The following ADGRB3 variants were observed in gnomAD, a reference collection of about 807,000 sequenced individuals.
ADGRB3 encodes brain-specific angiogenesis inhibitor 3.
Under a neutral mutation model 193.4 loss-of-function variants are expected in ADGRB3, and 37 were observed. The ratio of observed to expected loss-of-function variants is 0.19; its 90% CI spans 0.15 to 0.25. The LOEUF (loss-of-function observed/expected upper bound fraction) is 0.25, where lower values mean the gene tolerates loss of function less well. ADGRB3 is among the 10% of genes least tolerant of loss of function. The pLI is 1.00. For synonymous variants in ADGRB3, 690 were observed against 644.2 expected, an observed-to-expected ratio of 1.07 and a Z score of -1.08; for missense variants, 1,637 against 1,852.9, an observed-to-expected ratio of 0.88 and a Z score of 2.14.
chr6:68,737,215 T>G (rs1765889506), intron 3 of ADGRB3, among the ~76,000 whole-genome samples: 1 of 152,144 alleles, frequency 6.6e-6, no homozygotes, highest in African/African-American at 2.4e-5. Context: ...GTATAAGAAT[T>G]GTATCAAATA....
At chr6:69,046,900 C>T (rs1771252486) in intron 13 of ADGRB3, among the ~76,000 whole-genome samples, 2 of 152,118 alleles carry the variant, frequency 1.3e-5, no homozygotes, top group African/African-American at 4.8e-5. Flanking sequence ...CTCTGTTGCC[C>T]AGGCTGGAGT....
intron 3 of ADGRB3, among the ~76,000 whole-genome samples, chr6:68,826,080 G>A (rs1219024911): frequency 6.6e-6 from 1 of 151,802 alleles, no homozygotes; most frequent in African/African-American, 2.4e-5. Context: ...TACTGACTAG[G>A]TGTCAGACAT....
chr6:68,736,931 T>C (rs1159846081), intron 3 of ADGRB3, among the ~76,000 whole-genome samples: 1 of 152,066 alleles, frequency 6.6e-6, no homozygotes, highest in Non-Finnish European at 1.5e-5. Context: ...TAGTCATGTT[T>C]AGTATTTTAA....
At chr6:69,339,613 C>A in intron 26 of ADGRB3, 109 bp downstream of exon 26, 1 of 1,266,558 alleles carries the variant, frequency 7.9e-7, no homozygotes, top group Non-Finnish European at 1.1e-6. Flanking sequence ...TGGTCTCCTC[C>A]ATTGACAATC....
intron 20 of ADGRB3, among the ~76,000 whole-genome samples, chr6:69,308,170 C>T (rs149532423): frequency 3.9e-4 from 59 of 151,522 alleles, no homozygotes; most frequent in Middle Eastern, 6.8e-3. Flanking sequence ...AATCAAACTG[C>T]GTGAGTTTGA....
At chr6:69,102,032 C>A (rs1349083653) in intron 17 of ADGRB3, among the ~76,000 whole-genome samples, 1 of 152,024 alleles carries the variant, frequency 6.6e-6, no homozygotes, top group Admixed American at 6.6e-5. Context: ...AAAAAATTAG[C>A]CGGGCGTGGT....
Position 69,388,737 on chromosome 6 carries a change from C to T in ADGRB3, c.4415C>T (p.Thr1472Ile). ...GCACCAAACAAGAATCCATGGGACA[C>T]TTTCAAAAACCCCAGTGAATACCCG... The part of the protein sequence containing the change: ...NPAPNKNPWD[T>I]FKNPSEYPHY... Residue 1472 changes from threonine to isoleucine, a missense_variant, in exon 32 of 32, where the codon ACT becomes ATT. Physicochemically the swap from Thr to Ile is moderately conservative, Grantham distance 89 (BLOSUM62 -1). Around this residue, in one of 7 missense-constraint regions of ADGRB3, gnomAD observed 368 missense variants for 367.4 expected, o/e 1.00. Coordinates refer to ENST00000370598, the MANE Select transcript of ADGRB3 (RefSeq NM_001704.3). 6.2e-7 allele frequency: 1 copy of T among 1,613,332 alleles called. No individual in the cohort carries two copies. Among genetic ancestry groups the T allele is most frequent in the African/African-American group, 1.3e-5 (1 of 74,998 alleles).
Position 69,116,041 on chromosome 6 carries a change from C to T in ADGRB3, c.2480+40003C>T, listed in dbSNP as rs1304376535. On this transcript the variant is annotated intron_variant, in intron 17 of 31. Transcript: ENST00000370598. Reference sequence around the variant, plus strand: ...GGCATTCAGGTAAGAGTTGAAGTTGCAGTCTTGAGTTCAAAATTTTTAGGG... The same window carrying T: ...GGCATTCAGGTAAGAGTTGAAGTTGTAGTCTTGAGTTCAAAATTTTTAGGG... 2.6e-5 allele frequency among the ~76,000 whole-genome samples: 4 copies of T among 152,136 alleles called. No homozygotes were observed. The East Asian group carries it at 7.7e-4, about 29-fold the overall frequency.
At chr6:68,788,395 C>T (rs1222614311) in intron 3 of ADGRB3, among the ~76,000 whole-genome samples, 1 of 151,938 alleles carries the variant, frequency 6.6e-6, no homozygotes, top group East Asian at 1.9e-4. Flanking sequence ...TTTATTTCTG[C>T]CTTCATTTCA....
intron 3 of ADGRB3, among the ~76,000 whole-genome samples, chr6:68,763,178 C>T (rs1766444994): frequency 9.8e-6 from 1 of 102,054 alleles, no homozygotes; most frequent in Non-Finnish European, 2.3e-5. Flanking sequence ...GCAACCTCTG[C>T]CTCACAGGGT....
intron 17 of ADGRB3, among the ~76,000 whole-genome samples, chr6:69,109,751 G>A (rs1293748160): frequency 6.6e-6 from 1 of 152,152 alleles, no homozygotes; most frequent in African/African-American, 2.4e-5. Context: ...TGCAATGGAA[G>A]CGGAAAGGGG....
intron 26 of ADGRB3, 26 bp from the exon 27 acceptor site, chr6:69,354,207 A>G (rs758197030): frequency 1.3e-6 from 2 of 1,556,190 alleles, no homozygotes; most frequent in South Asian, 2.2e-5. Context: ...GAGAGAAGAA[A>G]ATTAATGTGT....
chr6:68,912,700 A>C (rs1207672193), intron 3 of ADGRB3, among the ~76,000 whole-genome samples: 4 of 152,150 alleles, frequency 2.6e-5, no homozygotes, highest in Non-Finnish European at 5.9e-5. Context: ...ACATGAACTC[A>C]TCATTTTTTA....
chr6:68,897,395 AAAG>A (rs1296519320), intron 3 of ADGRB3, among the ~76,000 whole-genome samples: 2 of 142,194 alleles, frequency 1.4e-5, no homozygotes, highest in Non-Finnish European at 3.1e-5. Flanking sequence ...GGAAAGAAAG[AAAG>A]AGAGAGAGAG....
At chr6:69,371,891 A>G (rs1582663458) in intron 29 of ADGRB3, among the ~76,000 whole-genome samples, 1 of 152,102 alleles carries the variant, frequency 6.6e-6, no homozygotes, top group African/African-American at 2.4e-5. Context: ...AGGACTATCA[A>G]ATTACAAGAA....
chr6:68,770,310 G>A (rs1443424777), intron 3 of ADGRB3, among the ~76,000 whole-genome samples: 1 of 152,072 alleles, frequency 6.6e-6, no homozygotes, highest in East Asian at 1.9e-4. Flanking sequence ...ATAAGGTTGG[G>A]AATATGCAGA....
chr6:68,934,652 G>T (rs192987061), intron 4 of ADGRB3, among the ~76,000 whole-genome samples: 2 of 151,976 alleles, frequency 1.3e-5, no homozygotes, highest in African/African-American at 4.8e-5. Context: ...ATTTTAAAAA[G>T]TGTATTATAT....
intron 13 of ADGRB3, among the ~76,000 whole-genome samples, chr6:69,037,300 CT>C (rs1663624501): frequency 6.6e-6 from 1 of 152,096 alleles, no homozygotes; most frequent in African/African-American, 2.4e-5. Context: ...TCAATATTGG[CT>C]TTGCTTATAT....
At chr6:69,040,307 CTCTTTCTTTCTTTCTTTCTTTCTT>C (rs58811960) in intron 13 of ADGRB3, among the ~76,000 whole-genome samples, 5 of 94,752 alleles carry the variant, frequency 5.3e-5, no homozygotes, top group Admixed American at 2.5e-4. Context: ...CTTTCTCTGT[CTCTTTCTTTCTTTCTTTCTTTCTT>C]TCTTTCTTTC....
Sources: allele counts gnomAD v4.1 joint callset (sites outside exome capture counted in the v4.1 genomes callset), GRCh38; gene constraint gnomAD v4.1.1; regional missense constraint gnomAD v4.1.1; transcripts MANE v1.5; gene names NCBI Gene and HGNC (gene_info 2026-07-23, HGNC 2026-07-21).